Variants in CYB5RL observed in about 807,000 individuals in gnomAD.
CYB5RL encodes the protein NADH-cytochrome b5 reductase-like.
CYB5RL carries 38 observed loss-of-function variants against 37.5 expected under a neutral mutation model. The ratio of observed to expected loss-of-function variants is 1.01; its 90% CI spans 0.78 to 1.33. CYB5RL has a LOEUF of 1.33. Among genes scored for constraint, CYB5RL ranks in the 40% most tolerant of loss-of-function variants. CYB5RL has a pLI of 0.00. For synonymous variants in CYB5RL, 141 were observed against 151.9 expected (o/e 0.93, Z 0.53); for missense variants, 388 against 394.4 (o/e 0.98, Z 0.14).
At chr1:54,187,623 T>A (rs1643913487) in intron 5 of CYB5RL, 29 bp downstream of exon 5, 2 of 1,605,164 alleles carry the variant, frequency 1.2e-6, no homozygotes, top group Non-Finnish European at 1.7e-6. Flanking sequence ...CTCCACGGCA[T>A]CTTGGAGCAT....
rs954950527 is a variant in CYB5RL at position 54,180,433 on chromosome 1, T to A, written c.541-1081A>T. Among the ~76,000 whole-genome samples, 57 of 151,038 alleles carry A rather than the reference T, an allele frequency of 3.8e-4. 1 individual carries two copies. Among genetic ancestry groups the A allele is most frequent in the African/African-American group, 1.3e-3 (55 of 41,144 alleles). On this transcript the variant is annotated intron_variant, in intron 6 of 7. Coordinates refer to ENST00000534324, the MANE Select transcript of CYB5RL (RefSeq NM_001031672.4). ...TCCTGGCTAACACGGTGAAACCCCA[T>A]CTCTACTAAAAATACAAAAAATTAG...
chr1:54,171,367 G>C lies in CYB5RL; in HGVS notation c.*3252C>G, dbSNP rs776176464. ...TACCCCAAGGCCACAGGGAGACAGG[G>C]AAGGATTTCAAGCAGGGGAGTGACA... On this transcript the variant is annotated 3_prime_UTR_variant, in exon 8 of 8. Coordinates refer to ENST00000534324, the MANE Select transcript of CYB5RL (RefSeq NM_001031672.4). 1.1e-5 allele frequency: 5 copies of C among 456,324 alleles called. No homozygotes were observed. The highest frequency in any genetic ancestry group is 7.7e-5 in the South Asian group (5 of 64,564). The allele number at this position is 456,324 out of a possible 1,614,324, so 28.3% of individuals were successfully genotyped here. A position where few individuals can be genotyped will look rare whatever the true frequency, so the allele number is the denominator to read the frequency against.
At chr1:54,187,798 G>A (rs968319981) in intron 4 of CYB5RL, 59 bp from the exon 5 acceptor site, 17 of 1,468,210 alleles carry the variant, frequency 1.2e-5, no homozygotes, top group Non-Finnish European at 1.6e-5. Flanking sequence ...TTTTAAGGCT[G>A]GGCACGGTGG....
chr1:54,174,572 G>A lies in CYB5RL; in HGVS notation c.*47C>T. 1 of 1,560,824 alleles carries A rather than the reference G, an allele frequency of 6.4e-7. No individual in the cohort carries two copies. Among genetic ancestry groups the A allele is most frequent in the Non-Finnish European group, 8.7e-7 (1 of 1,151,940 alleles). ...GATTCCAGTCTGTGCTCCTTCCTGG[G>A]TCCCAGTAGCAGGCTCATGGCCTAG... On this transcript the variant is annotated 3_prime_UTR_variant, in exon 8 of 8. Transcript: ENST00000534324.
At chr1:54,197,251 C>G (rs1644015657) in intron 1 of CYB5RL, among the ~76,000 whole-genome samples, 1 of 152,076 alleles carries the variant, frequency 6.6e-6, no homozygotes, top group Non-Finnish European at 1.5e-5. Flanking sequence ...TGTGAGCACT[C>G]CATGCACTTG....
At chr1:54,176,490 C>T (rs1026833223) in intron 7 of CYB5RL, among the ~76,000 whole-genome samples, 2 of 152,230 alleles carry the variant, frequency 1.3e-5, no homozygotes, top group African/African-American at 4.8e-5. Flanking sequence ...TATGATTGCA[C>T]CACTGCACTC....
In CYB5RL at chr1:54,174,177, G is replaced by T. The variant is rs1177879788; in HGVS notation, c.*442C>A. 1 of 208,540 alleles carries T rather than the reference G, an allele frequency of 4.8e-6. No homozygotes were observed. The highest frequency in any genetic ancestry group is 1.0e-5 in the Non-Finnish European group (1 of 100,328). The allele number at this position is 208,540 out of a possible 1,614,324, so 12.9% of individuals were successfully genotyped here. Reference sequence around the variant, plus strand: ...CTCCAAAGAGCTCTAAGCCTCTCCCGTGTCCTTCCCTACACACTCAGGAGC... The same window carrying T: ...CTCCAAAGAGCTCTAAGCCTCTCCCTTGTCCTTCCCTACACACTCAGGAGC... On this transcript the variant is annotated 3_prime_UTR_variant, in exon 8 of 8. Transcript: ENST00000534324.
At position 54,198,447 on chromosome 1, in the gene CYB5RL, C is replaced by T. The variant is rs544064656; in HGVS notation, c.-223+1529G>A. Among the ~76,000 whole-genome samples, 10 of 151,632 alleles carry T rather than the reference C, an allele frequency of 6.6e-5. No individual in the cohort carries two copies. In the South Asian group the frequency reaches 1.9e-3, roughly 28 times the overall value. On this transcript the variant is annotated intron_variant, in intron 1 of 7. Transcript: ENST00000534324. ...TCCCGGGTTCACATCATTCTCTTGCCTCAGCCTCCCGAGTAGCTGGGACTA... is the reference window on the plus strand; with the variant it reads ...TCCCGGGTTCACATCATTCTCTTGCTTCAGCCTCCCGAGTAGCTGGGACTA...
chr1:54,195,379 T>C (rs767995299), intron 3 of CYB5RL, 40 bp downstream of exon 3: 10 of 1,516,970 alleles, frequency 6.6e-6, no homozygotes, highest in Middle Eastern at 1.8e-4. Flanking sequence ...GCAAGTAGAT[T>C]GTTGCCCTGG....
intron 4 of CYB5RL, 189 bp from the exon 5 acceptor site, chr1:54,187,928 T>C (rs1186563850): frequency 7.2e-6 from 4 of 555,214 alleles, no homozygotes; most frequent in Non-Finnish European, 1.3e-5. Context: ...TACAAAAATT[T>C]AGCTGGGTGT....
rs1659875535 is a variant in CYB5RL at position 54,170,873 on chromosome 1, C to T, written c.*3746G>A. 6.2e-6 allele frequency: 2 copies of T among 320,758 alleles called. No homozygotes were observed. The highest frequency in any genetic ancestry group is 1.2e-5 in the Non-Finnish European group (2 of 160,632). 19.9% of individuals were successfully genotyped at this position (320,758 alleles called of 1,614,324 possible). A position where few individuals can be genotyped will look rare whatever the true frequency, so the allele number is the denominator to read the frequency against. ...TCAGTAAATTGGGGTAATAAAATAG[C>T]ATGTATATTGGTGAAGATTCTTGCT... On this transcript the variant is annotated 3_prime_UTR_variant, in exon 8 of 8. Transcript: ENST00000534324.
chr1:54,192,181 ATTTTTT>A (rs11302690), intron 3 of CYB5RL, among the ~76,000 whole-genome samples: 1 of 110,914 alleles, frequency 9.0e-6, no homozygotes, highest in African/African-American at 3.3e-5. Flanking sequence ...CTGTTTGCAA[ATTTTTT>A]TTTTTTTTTT....
chr1:54,178,249 A>T (rs888107011), intron 7 of CYB5RL, among the ~76,000 whole-genome samples: 1 of 152,156 alleles, frequency 6.6e-6, no homozygotes, highest in Non-Finnish European at 1.5e-5. Flanking sequence ...AGGATCAAGT[A>T]AGTGTTTAGG....
intron 7 of CYB5RL, 47 bp downstream of exon 7, chr1:54,179,102 G>A (rs1306840219): frequency 6.3e-7 from 1 of 1,577,104 alleles, no homozygotes; most frequent in Admixed American, 1.8e-5. Context: ...GGTGCAAAGG[G>A]ACAGCAGAGT....
chr1:54,185,243 C>T (rs1215350859), intron 5 of CYB5RL: 1 of 152,090 alleles, frequency 6.6e-6, no homozygotes, highest in Non-Finnish European at 1.5e-5. Context: ...AGGCTGCAGC[C>T]ACTTCCATGG....
intron 4 of CYB5RL, among the ~76,000 whole-genome samples, chr1:54,188,141 T>C (rs1643919493): frequency 6.6e-6 from 1 of 151,952 alleles, no homozygotes; most frequent in Non-Finnish European, 1.5e-5. Flanking sequence ...AAAATAAAGG[T>C]CCTCACTGAG....
chr1:54,185,186 G>A (rs1660260406), intron 5 of CYB5RL: 1 of 152,230 alleles, frequency 6.6e-6, no homozygotes, highest in Non-Finnish European at 1.5e-5. Context: ...ACAAGGTAGA[G>A]ACCATCTAAT....
At position 54,190,915 on chromosome 1, in the gene CYB5RL, C is replaced by A; in HGVS notation, c.199-19G>T. The A allele has an allele frequency of 6.2e-7, 1 of 1,608,340 alleles. No homozygotes were observed. Among genetic ancestry groups the A allele is most frequent in the Non-Finnish European group, 8.5e-7 (1 of 1,177,856 alleles). ...GGCAGCTCTGCAACAGGAAGAGATC[C>A]AACAGCTAGAGGCCGGGGCTCCACA... On this transcript the variant is annotated intron_variant, in intron 3 of 7. Coordinates refer to ENST00000534324, the MANE Select transcript of CYB5RL (RefSeq NM_001031672.4).
rs1252745590 is a variant in CYB5RL, at chr1:54,179,999, A to G, written c.541-647T>C. 5.7e-5 allele frequency: 26 copies of G among 453,680 alleles called. No homozygotes were observed. In the Admixed American group the frequency reaches 6.1e-4, roughly 11 times the overall value. 28.1% of individuals were successfully genotyped at this position (453,680 alleles called of 1,614,324 possible). On this transcript the variant is annotated intron_variant, in intron 6 of 7. Transcript: ENST00000534324. ...GGTGGCTCACACCTATAAACCTAGT[A>G]CTTTGGGAGGCCAAGGTGGGCGGAT...
Sources: gnomAD v4.1 joint callset for allele counts (sites outside exome capture counted in the v4.1 genomes callset) on GRCh38, gnomAD v4.1.1 for gene constraint, MANE v1.5 for transcripts, NCBI Gene and HGNC (gene_info 2026-07-23, HGNC 2026-07-21) for gene names.